CAMSAP2: variants seen among roughly 807,000 people sequenced by gnomAD.
CAMSAP2 encodes calmodulin-regulated spectrin-associated protein 2.
In CAMSAP2, 26 loss-of-function variants were observed where a neutral mutation model predicts 146.1. The observed-to-expected ratio is 0.18, with a 90% CI of 0.13 to 0.25. The LOEUF is 0.25. Ranked by LOEUF, CAMSAP2 falls within the 10% of genes least tolerant of loss-of-function variation. The pLI, the probability that CAMSAP2 is intolerant of heterozygous loss-of-function variation, is 1.00. For missense variants in CAMSAP2, 1,381 were observed against 1,759.3 expected, an observed-to-expected ratio of 0.78 and a Z score of 3.85; for synonymous variants, 499 against 596.6, an observed-to-expected ratio of 0.84 and a Z score of 2.38.
At chr1:200,838,523 G>A in intron 6 of CAMSAP2, among the ~76,000 whole-genome samples, 1 of 152,024 alleles carries the variant, frequency 6.6e-6, no homozygotes, top group African/African-American at 2.4e-5. Context: ...TATTTATTGA[G>A]CACCTATCAT....
At chr1:200,818,547 T>A (rs1666667553) in intron 4 of CAMSAP2, among the ~76,000 whole-genome samples, 1 of 152,100 alleles carries the variant, frequency 6.6e-6, no homozygotes, top group South Asian at 2.1e-4. Context: ...TTTCCCCCCA[T>A]TGTTTTTGAA....
intron 1 of CAMSAP2, among the ~76,000 whole-genome samples, chr1:200,754,574 CT>C (rs35219206): frequency 0.014 from 1,208 of 86,542 alleles, 5 homozygotes; most frequent in African/African-American, 0.034. Context: ...GAAAGAGCTC[CT>C]TTTTTTTTTT....
chr1:200,765,814 A>AGATTGAACTGTGAAGGTATGTT (rs1664933665), intron 2 of CAMSAP2, among the ~76,000 whole-genome samples: 1 of 152,160 alleles, frequency 6.6e-6, no homozygotes, highest in Admixed American at 6.5e-5. Context: ...GTTTGACTCA[A>AGATTGAACTGTGAAGGTATGTT]GATTGAACTG....
chr1:200,775,994 A>G (rs567711450), intron 2 of CAMSAP2, among the ~76,000 whole-genome samples: 12 of 152,148 alleles, frequency 7.9e-5, no homozygotes, highest in Non-Finnish European at 1.6e-4. Context: ...AAACAAAAAA[A>G]AAAAGAAAAG....
intron 2 of CAMSAP2, among the ~76,000 whole-genome samples, chr1:200,804,301 T>G (rs1247659691): frequency 6.6e-6 from 1 of 152,154 alleles, no homozygotes; most frequent in African/African-American, 2.4e-5. Flanking sequence ...AAAACAGTAT[T>G]ATAGTGTGGT....
chr1:200,800,580 T>C (rs1666008004), intron 2 of CAMSAP2, among the ~76,000 whole-genome samples: 3 of 152,168 alleles, frequency 2.0e-5, no homozygotes, highest in Non-Finnish European at 4.4e-5. Flanking sequence ...TGATGGGTCT[T>C]CTGAATAGAG....
At chr1:200,791,618 T>C (rs191676044) in intron 2 of CAMSAP2, among the ~76,000 whole-genome samples, 5 of 152,272 alleles carry the variant, frequency 3.3e-5, no homozygotes, top group Non-Finnish European at 7.4e-5. Flanking sequence ...AACAGGAAAA[T>C]CTGTTATATT....
At position 200,832,436 on chromosome 1, in the gene CAMSAP2, G is replaced by C; in HGVS notation, c.787+95G>C. Reference sequence around the variant, plus strand: ...TGCACTCCAGCCTAGGTGACTGAGTGGGACCCTGTCTCAAAAAAAAGACAA... The same window carrying C: ...TGCACTCCAGCCTAGGTGACTGAGTCGGACCCTGTCTCAAAAAAAAGACAA... On this transcript the variant is annotated intron_variant, in intron 5 of 16. Transcript: ENST00000358823. This position sits in a 1 kb window ranked among gnomAD's most constrained non-coding sequence, Gnocchi z 4.2. 1 of 1,185,144 alleles carries C rather than the reference G, an allele frequency of 8.4e-7. No homozygotes were observed. Among genetic ancestry groups the C allele is most frequent in the Middle Eastern group, 2.1e-4 (1 of 4,714 alleles). The allele number at this position is 1,185,144 out of a possible 1,614,324, so 73.4% of individuals were successfully genotyped here. A position where few individuals can be genotyped will look rare whatever the true frequency, so the allele number is the denominator to read the frequency against.
intron 3 of CAMSAP2, among the ~76,000 whole-genome samples, chr1:200,814,632 AAACAAG>A (rs1267395193): frequency 8.0e-5 from 4 of 50,022 alleles, no homozygotes; most frequent in Non-Finnish European, 1.4e-4. Context: ...AAAAAAAAAA[AAACAAG>A]AAGAAGATAT....
At chr1:200,743,487 C>T (rs548623688) in intron 1 of CAMSAP2, among the ~76,000 whole-genome samples, 195 of 151,718 alleles carry the variant, frequency 1.3e-3, no homozygotes, top group Admixed American at 1.9e-3. Context: ...AAGAGAGACC[C>T]GTAGCAGAGG....
intron 1 of CAMSAP2, among the ~76,000 whole-genome samples, chr1:200,748,747 A>G (rs1476845261): frequency 6.7e-6 from 1 of 148,640 alleles, no homozygotes; most frequent in Non-Finnish European, 1.5e-5. Context: ...GATTGATTGC[A>G]TTCAGGTTTG....
At chr1:200,786,203 G>A (rs1438467661) in intron 2 of CAMSAP2, among the ~76,000 whole-genome samples, 1 of 151,816 alleles carries the variant, frequency 6.6e-6, no homozygotes, top group Non-Finnish European at 1.5e-5. Flanking sequence ...CTTTGTTTCA[G>A]TTTTTTAAAC....
intron 1 of CAMSAP2, among the ~76,000 whole-genome samples, chr1:200,750,464 G>A (rs1189676654): frequency 6.6e-6 from 1 of 152,052 alleles, no homozygotes; most frequent in Admixed American, 6.6e-5. Context: ...TGTAAGAATA[G>A]TATAAAGAAT....
chr1:200,836,083 T>C (rs201857479), intron 6 of CAMSAP2, among the ~76,000 whole-genome samples: 3 of 105,290 alleles, frequency 2.8e-5, no homozygotes, highest in East Asian at 6.7e-4. Context: ...ATTTGAATCT[T>C]TTTTTTTTTA....
At chr1:200,836,179 T>G (rs1272128028) in intron 6 of CAMSAP2, among the ~76,000 whole-genome samples, 2 of 152,188 alleles carry the variant, frequency 1.3e-5, no homozygotes, top group African/African-American at 4.8e-5. Flanking sequence ...CATGGGAGTT[T>G]GTGGTACAGA....
At chr1:200,852,898 A>G (rs1305484497) in intron 12 of CAMSAP2, among the ~76,000 whole-genome samples, 1 of 152,074 alleles carries the variant, frequency 6.6e-6, no homozygotes, top group Non-Finnish European at 1.5e-5. Flanking sequence ...CTAATTTTAT[A>G]TTTTTATCTT....
chr1:200,806,837 C>A (rs1333042481), intron 2 of CAMSAP2, among the ~76,000 whole-genome samples: 1 of 150,568 alleles, frequency 6.6e-6, no homozygotes, highest in African/African-American at 2.5e-5. Flanking sequence ...TCTATCTGTG[C>A]CAAAGGCTAG....
chr1:200,803,914 T>C (rs1336712160), intron 2 of CAMSAP2, among the ~76,000 whole-genome samples: 2 of 130,854 alleles, frequency 1.5e-5, no homozygotes, highest in Non-Finnish European at 3.2e-5. Flanking sequence ...TATTATGGTA[T>C]GATGTTCTGT....
chr1:200,771,587 G>A (rs1373619151), intron 2 of CAMSAP2, among the ~76,000 whole-genome samples: 1 of 152,146 alleles, frequency 6.6e-6, no homozygotes, highest in Non-Finnish European at 1.5e-5. Flanking sequence ...ACAAATTGGG[G>A]AGGTGGATAA....
Sources: gnomAD v4.1 joint callset for allele counts (sites outside exome capture counted in the v4.1 genomes callset) on GRCh38, gnomAD v4.1.1 for gene constraint, Gnocchi (gnomAD v3.1) non-coding constraint, MANE v1.5 for transcripts, NCBI Gene and HGNC (gene_info 2026-07-23, HGNC 2026-07-21) for gene names.